Variants in CEMIP observed in about 807,000 individuals in gnomAD.
CEMIP encodes the protein cell migration-inducing and hyaluronan-binding protein.
Under a neutral mutation model 156.9 loss-of-function variants are expected in CEMIP, and 105 were observed. That is an observed-to-expected ratio of 0.67 (90% CI 0.57 to 0.79). CEMIP has a LOEUF of 0.79. CEMIP is among the 30% of genes least tolerant of loss of function. The probability of loss-of-function intolerance (pLI) is 0.00; values close to 1 mark genes in which losing one functional copy is unlikely to be tolerated. For missense variants in CEMIP, 1,457 were observed against 1,769.4 expected, an observed-to-expected ratio of 0.82 and a Z score of 3.17; for synonymous variants, 676 against 668.4, an observed-to-expected ratio of 1.01 and a Z score of -0.17.
At chr15:80,900,271 G>A (rs1230083718) in intron 12 of CEMIP, among the ~76,000 whole-genome samples, 2 of 152,164 alleles carry the variant, frequency 1.3e-5, no homozygotes. Flanking sequence ...TCTTGATCAC[G>A]TTTGACTGCC....
rs763445471 is a variant in CEMIP, at chr15:80,931,992, A to G, written c.2746A>G (p.Ser916Gly). Residue 916 changes from serine to glycine, a missense_variant, in exon 22 of 30, where the codon AGC (serine) becomes GGC (glycine). By Grantham distance (56) the Ser-to-Gly change is moderately conservative. This residue lies in a region of CEMIP where 798 missense variants were observed against 980.1 expected (regional missense o/e 0.81). Transcript: ENST00000394685. ...LAFRLNNAWQ[S>G]CPHNNVTGIA... ...CTTCCGCCTGAATAATGCCTGGCAG[A>G]GCTGCCCCCATAACAACGTGACCGG... 3.7e-6 allele frequency: 6 copies of G among 1,614,090 alleles called. No individual in the cohort carries two copies.
chr15:80,875,065 G>C (rs578229482), intron 3 of CEMIP, among the ~76,000 whole-genome samples: 1 of 114,906 alleles, frequency 8.7e-6, no homozygotes, highest in East Asian at 2.7e-4. Context: ...ATAGGGTCTC[G>C]CTCTGTTGCC....
In CEMIP at chr15:80,895,855, G is replaced by C; in HGVS notation, c.1220-14G>C. 6.2e-7 allele frequency: 1 copy of C among 1,614,016 alleles called. No individual in the cohort carries two copies. The highest frequency in any genetic ancestry group is 1.1e-5 in the South Asian group (1 of 91,074). The stretch of plus-strand genomic sequence containing the variant: ...AAAGGGCTCTATCTCAGTCTTTCCT[G>C]TTTTGGGTTACAGTGAGGCCCAAAC... On this transcript the variant is annotated splice_polypyrimidine_tract_variant and intron_variant, in intron 11 of 29. Transcript: ENST00000394685.
intron 1 of CEMIP, among the ~76,000 whole-genome samples, chr15:80,782,943 TG>T (rs1895834992): frequency 6.6e-6 from 1 of 152,160 alleles, no homozygotes; most frequent in South Asian, 2.1e-4. Flanking sequence ...AGGACACTCT[TG>T]GAGTGAAGGC....
chr15:80,928,782 C>T, intron 19 of CEMIP, 120 bp from the exon 20 acceptor site: 1 of 1,250,866 alleles, frequency 8.0e-7, no homozygotes, highest in Non-Finnish European at 1.2e-6. Context: ...TATGTAGAGA[C>T]TCCTTCCTCT....
chr15:80,949,813 C>T lies in CEMIP; in HGVS notation c.*889C>T, dbSNP rs1901739943. 1 of 152,184 alleles carries T rather than the reference C, an allele frequency of 6.6e-6. No homozygotes were observed. Among genetic ancestry groups the T allele is most frequent in the Non-Finnish European group, 1.5e-5 (1 of 68,082 alleles). 9.4% of individuals were successfully genotyped at this position (152,184 alleles called of 1,614,324 possible). ...TCAGAGGGGAGGCTCAGGAAGGCTT[C>T]TTGCTTACAGGAATGAAGGCTGGGG... is the stretch of plus-strand genomic sequence containing the variant. On this transcript the variant is annotated 3_prime_UTR_variant, in exon 30 of 30. Transcript: ENST00000394685.
At chr15:80,887,178 C>G (rs1429562328) in intron 7 of CEMIP, among the ~76,000 whole-genome samples, 1 of 152,120 alleles carries the variant, frequency 6.6e-6, no homozygotes, top group Non-Finnish European at 1.5e-5. Context: ...CTTCCCTCCC[C>G]ATTAAGAAGA....
chr15:80,936,527 C>G, intron 23 of CEMIP, 147 bp from the exon 24 acceptor site: 1 of 768,980 alleles, frequency 1.3e-6, no homozygotes, highest in South Asian at 1.4e-5. Context: ...CTTATTTGGC[C>G]TTTCTTTCAT....
intron 12 of CEMIP, among the ~76,000 whole-genome samples, chr15:80,898,784 A>G (rs1420730029): frequency 2.0e-5 from 3 of 152,206 alleles, no homozygotes; most frequent in Non-Finnish European, 4.4e-5. Flanking sequence ...CAGTGCCTCA[A>G]GGTGTGGATG....
intron 5 of CEMIP, 83 bp downstream of exon 5, chr15:80,879,937 A>T (rs571896734): frequency 8.2e-5 from 123 of 1,493,466 alleles, no homozygotes; most frequent in Non-Finnish European, 1.1e-4. Context: ...GAGAGGCAAG[A>T]GGGCAAGCTT....
chr15:80,942,146 C>A, intron 26 of CEMIP, 93 bp downstream of exon 26: 1 of 1,483,610 alleles, frequency 6.7e-7, no homozygotes, highest in Non-Finnish European at 9.4e-7. Context: ...CAATTAGGTC[C>A]CTCACTCAGC....
At chr15:80,921,214 C>A in intron 16 of CEMIP, 113 bp downstream of exon 16, 1 of 979,176 alleles carries the variant, frequency 1.0e-6, no homozygotes, top group Non-Finnish European at 1.6e-6. Context: ...CCCAGATATC[C>A]ATGCAGACGG....
chr15:80,872,195 C>T (rs988248224), intron 1 of CEMIP, among the ~76,000 whole-genome samples: 5 of 152,248 alleles, frequency 3.3e-5, no homozygotes, highest in South Asian at 2.1e-4. Context: ...GAGCCTGGGC[C>T]GGGTGAGATA....
At chr15:80,870,454 G>A (rs1898251170) in intron 1 of CEMIP, among the ~76,000 whole-genome samples, 1 of 152,186 alleles carries the variant, frequency 6.6e-6, no homozygotes, top group African/African-American at 2.4e-5. Flanking sequence ...AGGATGCCGT[G>A]GGAGTGCCGT....
chr15:80,928,740 G>A (rs1445710665), intron 19 of CEMIP, among the ~76,000 whole-genome samples, 162 bp from the exon 20 acceptor site: 4 of 152,184 alleles, frequency 2.6e-5, no homozygotes, highest in South Asian at 2.1e-4. Context: ...TGCAGAACAG[G>A]AGAGCCACAA....
chr15:80,817,064 A>G (rs1476194733), intron 1 of CEMIP, among the ~76,000 whole-genome samples: 3 of 152,196 alleles, frequency 2.0e-5, no homozygotes, highest in South Asian at 4.1e-4. Flanking sequence ...TAACAAGGCT[A>G]TTTATATAGA....
chr15:80,906,766 G>T lies in CEMIP; in HGVS notation c.1515G>T (p.Glu505Asp), dbSNP rs777718916. The T allele has an allele frequency of 3.1e-6, 5 of 1,614,184 alleles. No homozygotes were observed. Among genetic ancestry groups the T allele is most frequent in the Non-Finnish European group, 3.4e-6 (4 of 1,180,030 alleles). The change falls in exon 13 of 30, where the codon GAG (glutamate) becomes GAT (aspartate). Residue 505 changes from glutamate (E) to aspartate (D), a missense_variant. By Grantham distance (45) the Glu-to-Asp change is conservative. Around this residue, in one of 5 missense-constraint regions of CEMIP, gnomAD observed 280 missense variants for 300.3 expected, o/e 0.93. Coordinates refer to ENST00000394685, the MANE Select transcript of CEMIP (RefSeq NM_001293298.2). The surrounding 1 kb of genome is among the most constrained non-coding windows in gnomAD (Gnocchi z 4.3). ...ACATCATAGTGATGGGGGAGATGGA[G>T]GACAAATGCTACCCCTACAGAAACC... ...SRNIIVMGEM[E>D]DKCYPYRNHI...
At chr15:80,947,315 T>G in intron 29 of CEMIP, 1 of 483,020 alleles carries the variant, frequency 2.1e-6, no homozygotes, top group Non-Finnish European at 3.8e-6. Context: ...ATTGCTATAT[T>G]TGTTGACTCA....
intron 1 of CEMIP, among the ~76,000 whole-genome samples, chr15:80,866,058 T>C (rs567571745): frequency 1.5e-4 from 23 of 152,260 alleles, no homozygotes; most frequent in Admixed American, 9.8e-4. Context: ...CCAGCTGCAA[T>C]TGGCAAAGGC....
Sources: allele counts gnomAD v4.1 joint callset (sites outside exome capture counted in the v4.1 genomes callset), GRCh38; gene constraint gnomAD v4.1.1; regional missense constraint gnomAD v4.1.1; non-coding constraint Gnocchi (gnomAD v3.1); transcripts MANE v1.5; gene names NCBI Gene and HGNC (gene_info 2026-07-23, HGNC 2026-07-21).